NUBPL: variants seen among roughly 807,000 people sequenced by gnomAD.
The protein encoded by NUBPL is iron-sulfur cluster transfer protein NUBPL.
A neutral mutation model predicts 45.7 loss-of-function variants in NUBPL; 31 were observed. That is an observed-to-expected ratio of 0.68 (90% CI 0.51 to 0.92). The LOEUF is 0.92. Ranked by LOEUF, NUBPL falls within the 40% of genes least tolerant of loss-of-function variation. The probability of loss-of-function intolerance (pLI) is 0.00; values close to 1 mark genes in which losing one functional copy is unlikely to be tolerated. For missense variants in NUBPL, 401 were observed against 398.7 expected (o/e 1.01, Z -0.05); for synonymous variants, 144 against 140.9 (o/e 1.02, Z -0.15).
chr14:31,763,095 G>A (rs1209575834), intron 6 of NUBPL, among the ~76,000 whole-genome samples: 1 of 152,148 alleles, frequency 6.6e-6, no homozygotes, highest in Non-Finnish European at 1.5e-5. Context: ...TTCTTTTGGA[G>A]GATGATGGGA....
At chr14:31,693,140 C>T (rs2037129716) in intron 6 of NUBPL, among the ~76,000 whole-genome samples, 1 of 151,776 alleles carries the variant, frequency 6.6e-6, no homozygotes, top group Non-Finnish European at 1.5e-5. Context: ...ATTATTATAC[C>T]CAATGATTTT....
intron 3 of NUBPL, among the ~76,000 whole-genome samples, chr14:31,581,137 T>C (rs2033851761): frequency 6.6e-6 from 1 of 152,082 alleles, no homozygotes; most frequent in Non-Finnish European, 1.5e-5. Flanking sequence ...CAAAGATATT[T>C]TGAAGATAGA....
chr14:31,724,852 G>A (rs1467162556), intron 6 of NUBPL, among the ~76,000 whole-genome samples: 2 of 152,122 alleles, frequency 1.3e-5, no homozygotes, highest in East Asian at 3.8e-4. Flanking sequence ...GGCAAGATAA[G>A]ACAATTGAGA....
chr14:31,648,641 A>G (rs539311779), intron 4 of NUBPL, among the ~76,000 whole-genome samples: 6 of 152,360 alleles, frequency 3.9e-5, no homozygotes, highest in African/African-American at 1.4e-4. Flanking sequence ...GAAATATTTA[A>G]TTCAAATTAA....
At chr14:31,816,819 T>A (rs2039927690) in intron 7 of NUBPL, among the ~76,000 whole-genome samples, 2 of 152,134 alleles carry the variant, frequency 1.3e-5, no homozygotes, top group South Asian at 4.1e-4. Flanking sequence ...TGTTGTTCAG[T>A]TTCCATGTAG....
At chr14:31,673,212 C>G in intron 4 of NUBPL, 143 bp from the exon 5 acceptor site, 1 of 661,492 alleles carries the variant, frequency 1.5e-6, no homozygotes, top group Non-Finnish European at 2.7e-6. Flanking sequence ...AGACATGTAT[C>G]ATAACATTAC....
chr14:31,690,008 G>C (rs1461704507), intron 6 of NUBPL, among the ~76,000 whole-genome samples: 3 of 150,028 alleles, frequency 2.0e-5, no homozygotes, highest in African/African-American at 7.3e-5. Context: ...TCTCTATTCT[G>C]TTTCATTGGT....
chr14:31,813,268 T>A (rs190484142), intron 7 of NUBPL, among the ~76,000 whole-genome samples: 51 of 152,214 alleles, frequency 3.4e-4, no homozygotes, highest in Non-Finnish European at 4.9e-4. Flanking sequence ...ATTACAAGCG[T>A]GAGCCACCGT....
At chr14:31,597,357 A>C (rs1407753917) in intron 3 of NUBPL, among the ~76,000 whole-genome samples, 1 of 152,048 alleles carries the variant, frequency 6.6e-6, no homozygotes, top group Non-Finnish European at 1.5e-5. Context: ...ATCTACTCTT[A>C]CCGTAGCAAA....
intron 6 of NUBPL, among the ~76,000 whole-genome samples, chr14:31,742,895 C>T (rs1249980760): frequency 6.6e-6 from 1 of 152,080 alleles, no homozygotes; most frequent in Non-Finnish European, 1.5e-5. Flanking sequence ...GCGTGAGCCA[C>T]CGTGCCTGCC....
intron 4 of NUBPL, among the ~76,000 whole-genome samples, chr14:31,661,249 A>T (rs1240821280): frequency 6.6e-6 from 1 of 152,308 alleles, no homozygotes; most frequent in East Asian, 1.9e-4. Flanking sequence ...AAATATGAGG[A>T]GGTAGGAAAT....
chr14:31,764,978 T>G (rs559324374), intron 6 of NUBPL, among the ~76,000 whole-genome samples: 1 of 152,220 alleles, frequency 6.6e-6, no homozygotes, highest in Non-Finnish European at 1.5e-5. Flanking sequence ...TCTCAAAATC[T>G]TTTGTGTTAT....
At chr14:31,831,463 T>TACC (rs1566587826) in intron 8 of NUBPL, among the ~76,000 whole-genome samples, 71 of 56,328 alleles carry the variant, frequency 1.3e-3, no homozygotes, top group African/African-American at 3.0e-3. Context: ...TATACTATAC[T>TACC]GTACTATACC....
intron 6 of NUBPL, among the ~76,000 whole-genome samples, chr14:31,759,085 C>CA (rs1175318049): frequency 2.0e-4 from 30 of 150,220 alleles, no homozygotes; most frequent in Admixed American, 7.9e-4. Flanking sequence ...AAACAAAAAA[C>CA]AAAAAAAAAG....
At chr14:31,785,979 G>A (rs533225325) in intron 6 of NUBPL, among the ~76,000 whole-genome samples, 35 of 152,058 alleles carry the variant, frequency 2.3e-4, no homozygotes, top group Non-Finnish European at 3.8e-4. Context: ...GCAACATGGC[G>A]AAACCCTGTC....
chr14:31,722,131 G>A (rs1265742609), intron 6 of NUBPL, among the ~76,000 whole-genome samples: 1 of 152,046 alleles, frequency 6.6e-6, no homozygotes, highest in African/African-American at 2.4e-5. Context: ...CGAGTAGCTG[G>A]GACTACAGGT....
chr14:31,826,279 C>T (rs1200929958), intron 7 of NUBPL, among the ~76,000 whole-genome samples: 2 of 152,030 alleles, frequency 1.3e-5, no homozygotes, highest in African/African-American at 4.8e-5. Context: ...AGCCACCATG[C>T]CCGGCTAATT....
At chr14:31,788,006 G>C (rs559971139) in intron 7 of NUBPL, 133 bp downstream of exon 7, 249 of 644,620 alleles carry the variant, frequency 3.9e-4, no homozygotes, top group African/African-American at 3.7e-3. Flanking sequence ...TTTCATTAGA[G>C]ATCAGAAGCA....
At chr14:31,842,224 C>T (rs2040388426) in intron 8 of NUBPL, among the ~76,000 whole-genome samples, 1 of 151,760 alleles carries the variant, frequency 6.6e-6, no homozygotes, top group African/African-American at 2.4e-5. Flanking sequence ...CCACGTCTGG[C>T]CTGTTCTGGG....
Sources: gnomAD v4.1 joint callset for allele counts (sites outside exome capture counted in the v4.1 genomes callset) on GRCh38, gnomAD v4.1.1 for gene constraint, MANE v1.5 for transcripts, NCBI Gene and HGNC (gene_info 2026-07-23, HGNC 2026-07-21) for gene names.